The following SNTG1 variants were observed in gnomAD, a reference collection of about 807,000 sequenced individuals.
SNTG1 encodes gamma-1-syntrophin.
A neutral mutation model predicts 74.7 loss-of-function variants in SNTG1; 39 were observed. The ratio of observed to expected loss-of-function variants is 0.52; its 90% CI spans 0.40 to 0.68. The LOEUF (loss-of-function observed/expected upper bound fraction) is 0.68, where lower values mean the gene tolerates loss of function less well. Ranked by LOEUF, SNTG1 falls within the 30% of genes least tolerant of loss-of-function variation. SNTG1 has a pLI of 0.00. For missense variants in SNTG1, 685 were observed against 609.5 expected (o/e 1.12, Z -1.30); for synonymous variants, 254 against 217.1 (o/e 1.17, Z -1.49).
intron 1 of SNTG1, among the ~76,000 whole-genome samples, chr8:50,061,277 G>C (rs1820449035): frequency 6.6e-6 from 1 of 151,980 alleles, no homozygotes; most frequent in Admixed American, 6.6e-5. Context: ...AGTTTTTACA[G>C]TTTGTAGTTT....
At chr8:50,305,112 G>C (rs1198290784) in intron 2 of SNTG1, among the ~76,000 whole-genome samples, 1 of 151,380 alleles carries the variant, frequency 6.6e-6, no homozygotes, top group Non-Finnish European at 1.5e-5. Context: ...TGTTGGCCAG[G>C]CTGGTCTCAA....
chr8:50,116,406 T>C (rs564533043), intron 1 of SNTG1, among the ~76,000 whole-genome samples: 5 of 152,324 alleles, frequency 3.3e-5, no homozygotes, highest in African/African-American at 1.2e-4. Flanking sequence ...ACTCCACTCT[T>C]AGGTCTTTTA....
intron 1 of SNTG1, among the ~76,000 whole-genome samples, chr8:50,057,783 C>T (rs1268569161): frequency 6.6e-6 from 1 of 151,922 alleles, no homozygotes; most frequent in Non-Finnish European, 1.5e-5. Context: ...TTGGTTAGGC[C>T]CTTTCATGTC....
intron 2 of SNTG1, among the ~76,000 whole-genome samples, chr8:50,231,885 A>G (rs1034054288): frequency 4.0e-4 from 61 of 151,510 alleles, no homozygotes; most frequent in African/African-American, 1.4e-3. Context: ...CACCATCAAA[A>G]TAGTTGCATA....
chr8:50,353,302 G>T (rs2091723706), intron 2 of SNTG1, among the ~76,000 whole-genome samples: 2 of 151,700 alleles, frequency 1.3e-5, no homozygotes, highest in Admixed American at 1.3e-4. Context: ...TATACCTATT[G>T]TAAATGACGA....
chr8:50,400,240 A>G (rs1044488658), intron 3 of SNTG1, among the ~76,000 whole-genome samples: 3 of 152,230 alleles, frequency 2.0e-5, no homozygotes, highest in South Asian at 4.1e-4. Flanking sequence ...TAGATTTCAC[A>G]TGTAAGTGAT....
chr8:50,766,927 A>G (rs930979189), intron 18 of SNTG1, among the ~76,000 whole-genome samples: 1 of 151,966 alleles, frequency 6.6e-6, no homozygotes, highest in African/African-American at 2.4e-5. Context: ...TCATCACCCA[A>G]AAGAAATAAA....
intron 9 of SNTG1, among the ~76,000 whole-genome samples, chr8:50,515,566 C>T (rs141360378): frequency 0.054 from 8,244 of 152,100 alleles, 339 homozygotes; most frequent in South Asian, 0.18. Context: ...GAAATTCTCG[C>T]TGCCAGAACA....
At chr8:50,471,711 A>G (rs904690843) in intron 8 of SNTG1, among the ~76,000 whole-genome samples, 1 of 152,218 alleles carries the variant, frequency 6.6e-6, no homozygotes, top group Non-Finnish European at 1.5e-5. Context: ...GAAACCAAGA[A>G]AGATGTCATT....
At chr8:50,512,347 C>A (rs1025435754) in intron 9 of SNTG1, among the ~76,000 whole-genome samples, 2 of 151,704 alleles carry the variant, frequency 1.3e-5, no homozygotes, top group Non-Finnish European at 2.9e-5. Context: ...CTGCCCTTAA[C>A]ATTTTTTCCT....
At chr8:50,097,130 C>T (rs916729184) in intron 1 of SNTG1, among the ~76,000 whole-genome samples, 18 of 152,094 alleles carry the variant, frequency 1.2e-4, no homozygotes, top group South Asian at 1.0e-3. Context: ...CCACCACACC[C>T]GGCTAATTTT....
intron 18 of SNTG1, among the ~76,000 whole-genome samples, chr8:50,777,496 T>C (rs886420025): frequency 6.6e-6 from 1 of 151,126 alleles, no homozygotes; most frequent in Admixed American, 6.6e-5. Context: ...CTAGGGTTTC[T>C]GTTTCTTTTC....
At chr8:50,444,789 G>A (rs919382777) in intron 5 of SNTG1, among the ~76,000 whole-genome samples, 1 of 149,666 alleles carries the variant, frequency 6.7e-6, no homozygotes, top group Non-Finnish European at 1.5e-5. Context: ...CAAGCATACA[G>A]TAAAGCTTAA....
At chr8:50,599,150 A>G (rs1805733915) in intron 13 of SNTG1, among the ~76,000 whole-genome samples, 1 of 151,906 alleles carries the variant, frequency 6.6e-6, no homozygotes, top group Non-Finnish European at 1.5e-5. Flanking sequence ...TTCTTGGTAC[A>G]CTTGTTGGAA....
intron 1 of SNTG1, among the ~76,000 whole-genome samples, chr8:50,009,318 C>T (rs1815546267): frequency 6.6e-6 from 1 of 152,018 alleles, no homozygotes; most frequent in African/African-American, 2.4e-5. Flanking sequence ...TCTTATTGTG[C>T]ATGATATAGG....
intron 2 of SNTG1, among the ~76,000 whole-genome samples, chr8:50,203,899 A>AT (rs1240493015): frequency 2.0e-5 from 3 of 152,074 alleles, no homozygotes; most frequent in Admixed American, 6.6e-5. Context: ...ACGTCAATGC[A>AT]TTTTTTGTAG....
At chr8:50,223,625 G>A (rs777191040) in intron 2 of SNTG1, among the ~76,000 whole-genome samples, 1 of 151,978 alleles carries the variant, frequency 6.6e-6, no homozygotes, top group Non-Finnish European at 1.5e-5. Flanking sequence ...TTGATGAAAT[G>A]CATCACTTAG....
chr8:50,309,798 A>G (rs1563878054), intron 2 of SNTG1, among the ~76,000 whole-genome samples: 1 of 152,228 alleles, frequency 6.6e-6, no homozygotes, highest in Non-Finnish European at 1.5e-5. Flanking sequence ...TTAAGACCTT[A>G]GAAGCTAAGA....
chr8:50,324,700 C>T (rs969896513), intron 2 of SNTG1, among the ~76,000 whole-genome samples: 1 of 151,912 alleles, frequency 6.6e-6, no homozygotes, highest in Non-Finnish European at 1.5e-5. Flanking sequence ...TATATGGCTT[C>T]TCTTCTCATT....
Sources: gnomAD v4.1 joint callset for allele counts (sites outside exome capture counted in the v4.1 genomes callset) on GRCh38, gnomAD v4.1.1 for gene constraint, MANE v1.5 for transcripts, NCBI Gene and HGNC (gene_info 2026-07-23, HGNC 2026-07-21) for gene names.